N4BP2L1: variants seen among roughly 807,000 people sequenced by gnomAD.
The protein encoded by N4BP2L1 is NEDD4 binding protein 2 like 1.
A neutral mutation model predicts 21.2 loss-of-function variants in N4BP2L1; 12 were observed. The observed-to-expected ratio is 0.57, with a 90% CI of 0.36 to 0.92. The LOEUF (loss-of-function observed/expected upper bound fraction) is 0.92, where lower values mean the gene tolerates loss of function less well. Ranked by LOEUF, N4BP2L1 falls within the 40% of genes least tolerant of loss-of-function variation. N4BP2L1 has a pLI of 0.01. For synonymous variants in N4BP2L1, 104 were observed against 112.8 expected (o/e 0.92, Z 0.49); for missense variants, 259 against 310.6 (o/e 0.83, Z 1.25).
At chr13:32,414,465 G>A (rs1419431418) in intron 1 of N4BP2L1, among the ~76,000 whole-genome samples, 1 of 152,090 alleles carries the variant, frequency 6.6e-6, no homozygotes, top group Non-Finnish European at 1.5e-5. Context: ...TCCTTATTAG[G>A]AGGTTTATCT....
At chr13:32,407,138 A>G (rs2073563637) in intron 3 of N4BP2L1, 112 bp downstream of exon 3, 2 of 1,103,426 alleles carry the variant, frequency 1.8e-6, no homozygotes, top group South Asian at 1.4e-5. Context: ...TGGGAGAACC[A>G]CTGTTAGCAA....
Position 32,401,848 on chromosome 13 carries a change from A to G in N4BP2L1, c.*1094T>C, listed in dbSNP as rs7982943. ...GCTGTTGGCCAACAAGAAATAGAGC[A>G]TACGTCCTCTGTGGTCTTGTCTATC... On this transcript the variant is annotated 3_prime_UTR_variant, in exon 5 of 5. Coordinates refer to ENST00000380130, the MANE Select transcript of N4BP2L1 (RefSeq NM_052818.3). 4.2e-4 allele frequency: 346 copies of G among 826,240 alleles called. No individual in the cohort carries two copies. The African/African-American group carries it at 6.1e-3, about 15-fold the overall frequency. The allele number at this position is 826,240 out of a possible 1,614,324, so 51.2% of individuals were successfully genotyped here. A position where few individuals can be genotyped will look rare whatever the true frequency, so the allele number is the denominator to read the frequency against.
upstream of N4BP2L1, among the ~76,000 whole-genome samples, chr13:32,429,584 C>T (rs2074937642): frequency 6.6e-6 from 1 of 152,214 alleles, no homozygotes; most frequent in African/African-American, 2.4e-5. Flanking sequence ...AATGTGGCTA[C>T]TGCAAACACG....
At chr13:32,417,240 C>G (rs1219263610) in intron 1 of N4BP2L1, among the ~76,000 whole-genome samples, 3 of 152,170 alleles carry the variant, frequency 2.0e-5, no homozygotes, top group Non-Finnish European at 4.4e-5. Flanking sequence ...TGTCCCCACT[C>G]AAATCTCATC....
chr13:32,409,737 T>A (rs1210538345), intron 1 of N4BP2L1, among the ~76,000 whole-genome samples: 2 of 151,558 alleles, frequency 1.3e-5, no homozygotes, highest in Non-Finnish European at 2.9e-5. Flanking sequence ...CCCTGAGGGA[T>A]GAGAAAACTG....
chr13:32,424,892 C>A (rs1239209608), intron 1 of N4BP2L1: 1 of 152,132 alleles, frequency 6.6e-6, no homozygotes, highest in African/African-American at 2.4e-5. Context: ...GCACAGAAAT[C>A]TAACATTGAT....
At chr13:32,415,928 G>C (rs1452526744) in intron 1 of N4BP2L1, 1 of 152,074 alleles carries the variant, frequency 6.6e-6, no homozygotes, top group Non-Finnish European at 1.5e-5. Context: ...TTAACATACG[G>C]TTTCCTTAGA....
chr13:32,428,088 G>A lies in N4BP2L1; in HGVS notation c.-6C>T. 6.9e-7 allele frequency: 1 copy of A among 1,447,418 alleles called. No individual in the cohort carries two copies. Among genetic ancestry groups the A allele is most frequent in the Non-Finnish European group, 9.1e-7 (1 of 1,097,700 alleles). 89.7% of individuals were successfully genotyped at this position (1,447,418 alleles called of 1,614,324 possible). On this transcript the variant is annotated 5_prime_UTR_variant, in exon 1 of 5. Coordinates refer to ENST00000380130, the MANE Select transcript of N4BP2L1 (RefSeq NM_052818.3). ...TGAAGGAAACTGTCCTCCATGGGCA[G>A]GAGGGCTGGCTGCGAGAGCCCCGGG... is the stretch of plus-strand genomic sequence containing the variant.
intron 4 of N4BP2L1, chr13:32,403,638 A>G (rs1214966034): frequency 1.3e-5 from 7 of 523,572 alleles, no homozygotes; most frequent in Non-Finnish European, 7.8e-6. Flanking sequence ...CTGGGGATAT[A>G]GTTAGAAATA....
chr13:32,403,801 A>C (rs1486163519), intron 4 of N4BP2L1: 2 of 521,164 alleles, frequency 3.8e-6, no homozygotes, highest in African/African-American at 3.8e-5. Context: ...CCTAAGAAGT[A>C]AATTCTTACC....
intron 3 of N4BP2L1, among the ~76,000 whole-genome samples, chr13:32,405,892 C>CCTTTTTTTTTTTTTTTTTTT (rs2073452557): frequency 2.0e-5 from 2 of 101,192 alleles, no homozygotes; most frequent in African/African-American, 4.5e-5. Context: ...TTCCTGCCCC[C>CCTTTTTTTTTTTTTTTTTTT]TTTTTTTTTT....
At position 32,407,302 on chromosome 13, in the gene N4BP2L1, A is replaced by C. The variant is rs2073575588; in HGVS notation, c.344T>G (p.Ile115Ser). The C allele has an allele frequency of 6.2e-7, 1 of 1,614,202 alleles. No homozygotes were observed. Among genetic ancestry groups the C allele is most frequent in the Non-Finnish European group, 8.5e-7 (1 of 1,180,040 alleles). Residue 115 changes from isoleucine to serine, a missense_variant, in exon 3 of 5, where the codon ATT becomes AGT. By Grantham distance (142) the Ile-to-Ser change is moderately radical. Around this residue, in one of 3 missense-constraint regions of N4BP2L1, gnomAD observed 91 missense variants for 148.1 expected, o/e 0.61. Coordinates refer to ENST00000380130, the MANE Select transcript of N4BP2L1 (RefSeq NM_052818.3). The part of the protein sequence containing the change: ...KAMRNGISPI[I>S]IDNTNLHAWE... Reference sequence around the variant, plus strand: ...GGCGTGGAGGTTGGTATTATCAATAATAATGGGGGATATGCCATTCCTCAT... The same window carrying C: ...GGCGTGGAGGTTGGTATTATCAATACTAATGGGGGATATGCCATTCCTCAT...
chr13:32,403,780 C>A (rs1360867830), intron 4 of N4BP2L1: 3 of 534,792 alleles, frequency 5.6e-6, no homozygotes, highest in African/African-American at 1.9e-5. Flanking sequence ...ATAAGAGGAA[C>A]CAGCCTTACT....
intron 1 of N4BP2L1, among the ~76,000 whole-genome samples, chr13:32,423,600 C>T (rs1037482534): frequency 2.6e-5 from 4 of 152,114 alleles, no homozygotes; most frequent in Non-Finnish European, 5.9e-5. Flanking sequence ...TATTGAGATA[C>T]AAAAATAGTA....
chr13:32,423,319 C>T (rs1379074178), intron 1 of N4BP2L1, among the ~76,000 whole-genome samples: 2 of 152,156 alleles, frequency 1.3e-5, no homozygotes, highest in Non-Finnish European at 2.9e-5. Context: ...ATCCTTTGAG[C>T]CTAACTGAAT....
At chr13:32,422,529 C>T (rs138889567) in intron 1 of N4BP2L1, among the ~76,000 whole-genome samples, 4 of 152,272 alleles carry the variant, frequency 2.6e-5, no homozygotes, top group Admixed American at 2.6e-4. Context: ...TCTACTTCCT[C>T]TCGGGTCATA....
Position 32,401,797 on chromosome 13 carries a change from A to G in N4BP2L1, c.*1145T>C. 1 of 386,804 alleles carries G rather than the reference A, an allele frequency of 2.6e-6. No homozygotes were observed. The highest frequency in any genetic ancestry group is 3.5e-6 in the Non-Finnish European group (1 of 282,328). 24.0% of individuals were successfully genotyped at this position (386,804 alleles called of 1,614,324 possible). ...CACCATTATATAAGACACTTAAAAT[A>G]ATTTTTCACAGAACATTAGAAAGAA... On this transcript the variant is annotated 3_prime_UTR_variant, in exon 5 of 5. Coordinates refer to ENST00000380130, the MANE Select transcript of N4BP2L1 (RefSeq NM_052818.3).
chr13:32,426,432 C>A (rs1000595650), intron 1 of N4BP2L1, among the ~76,000 whole-genome samples: 4 of 152,122 alleles, frequency 2.6e-5, no homozygotes, highest in African/African-American at 9.7e-5. Flanking sequence ...CCCTCCCCAG[C>A]GAGCCAGAGA....
upstream of N4BP2L1, chr13:32,428,341 C>T (rs2074915351): frequency 3.0e-6 from 1 of 331,802 alleles, no homozygotes; most frequent in Non-Finnish European, 5.4e-6. Context: ...CCCCGCTCCG[C>T]CTCCTGGTGC....
Sources: gnomAD v4.1 joint callset for allele counts (sites outside exome capture counted in the v4.1 genomes callset) on GRCh38, gnomAD v4.1.1 for gene constraint, gnomAD v4.1.1 regional missense constraint, MANE v1.5 for transcripts, NCBI Gene and HGNC (gene_info 2026-07-23, HGNC 2026-07-21) for gene names.